Variants in PHC2 observed in about 807,000 individuals in gnomAD.
PHC2 encodes polyhomeotic homolog 2.
Under a neutral mutation model 87.4 loss-of-function variants are expected in PHC2, and 29 were observed. The observed-to-expected ratio is 0.33, with a 90% CI of 0.25 to 0.45. PHC2 has a LOEUF of 0.45. Ranked by LOEUF, PHC2 falls within the 20% of genes least tolerant of loss-of-function variation. PHC2 has a pLI of 1.00. For missense variants in PHC2, 857 were observed against 1,136.7 expected (o/e 0.75, Z 3.54); for synonymous variants, 438 against 461.7 (o/e 0.95, Z 0.66).
At chr1:33,425,316 T>C (rs986747076) in intron 1 of PHC2, among the ~76,000 whole-genome samples, 28 of 152,200 alleles carry the variant, frequency 1.8e-4, no homozygotes, top group African/African-American at 5.8e-4. Context: ...TCAACAACGA[T>C]ATATGAGCCT....
chr1:33,412,102 G>C (rs975041865), intron 1 of PHC2, among the ~76,000 whole-genome samples: 1 of 152,040 alleles, frequency 6.6e-6, no homozygotes, highest in South Asian at 2.1e-4. Flanking sequence ...GTGCAATAAG[G>C]CAGGTAAAAA....
At chr1:33,338,182 C>CT (rs1336565318) in intron 9 of PHC2, among the ~76,000 whole-genome samples, 39 of 152,242 alleles carry the variant, frequency 2.6e-4, no homozygotes, top group Non-Finnish European at 8.8e-5. Flanking sequence ...AGGTCAGAGT[C>CT]TGTCTTCATG....
intron 7 of PHC2, among the ~76,000 whole-genome samples, chr1:33,360,639 G>A (rs1436414661): frequency 6.6e-6 from 1 of 152,244 alleles, no homozygotes; most frequent in Non-Finnish European, 1.5e-5. Flanking sequence ...TCAGTAAATG[G>A]TAGCTATTCT....
rs913778570 is a variant in PHC2, at chr1:33,395,320, G to GA, written c.-54-19728dup. ...GGGGTGGGGAATGGCTGGGAAGGGGGAAGAGGGAATTTCTGGGGTGATGTT... is the reference window on the plus strand; with the variant it reads ...GGGGTGGGGAATGGCTGGGAAGGGGGAAAGAGGGAATTTCTGGGGTGATGTT... On this transcript the variant is annotated intron_variant, in intron 1 of 14. Transcript: ENST00000683057. Among the ~76,000 whole-genome samples, 13 of 152,110 alleles carry GA rather than the reference G, an allele frequency of 8.5e-5. 1 individual carries two copies. Among genetic ancestry groups the GA allele is most frequent in the African/African-American group, 2.9e-4 (12 of 41,402 alleles).
At chr1:33,352,202 C>T (rs1363682061) in intron 9 of PHC2, among the ~76,000 whole-genome samples, 1 of 152,152 alleles carries the variant, frequency 6.6e-6, no homozygotes, top group Non-Finnish European at 1.5e-5. Flanking sequence ...TGTTGATTAC[C>T]ACTGTTGCGG....
Position 33,334,350 on chromosome 1 carries a change from C to G in PHC2, c.1559-58G>C. On this transcript the variant is annotated intron_variant, in intron 9 of 14. Coordinates refer to ENST00000683057, the MANE Select transcript of PHC2 (RefSeq NM_001385109.1). The surrounding 1 kb of genome is among the most constrained non-coding windows in gnomAD (Gnocchi z 5.5). ...GGAGATCAGAACCAGAGTCCACGCC[C>G]AGGGAGGGACAGCAAGGACTCAAAC... The G allele has an allele frequency of 6.7e-7, 1 of 1,495,708 alleles. No homozygotes were observed. The highest frequency in any genetic ancestry group is 9.2e-7 in the Non-Finnish European group (1 of 1,083,984). The allele number at this position is 1,495,708 out of a possible 1,614,324, so 92.7% of individuals were successfully genotyped here.
At chr1:33,386,553 C>T (rs1253650212) in intron 1 of PHC2, among the ~76,000 whole-genome samples, 1 of 151,996 alleles carries the variant, frequency 6.6e-6, no homozygotes, top group Non-Finnish European at 1.5e-5. Context: ...TCTTTTCAAG[C>T]TGGGTGTGGT....
At chr1:33,374,525 C>CT (rs1570496725) in intron 2 of PHC2, among the ~76,000 whole-genome samples, 1 of 152,158 alleles carries the variant, frequency 6.6e-6, no homozygotes, top group African/African-American at 2.4e-5. Flanking sequence ...TTCAGGCCCT[C>CT]TTACTGTCTG....
intron 9 of PHC2, chr1:33,345,761 G>A: frequency 1.0e-6 from 1 of 985,034 alleles, no homozygotes; most frequent in Non-Finnish European, 1.2e-6. Context: ...ATATGCAAAT[G>A]GTTGATTATT....
chr1:33,346,868 C>G (rs1646854023), intron 9 of PHC2: 1 of 985,278 alleles, frequency 1.0e-6, no homozygotes, highest in Non-Finnish European at 1.2e-6. Context: ...TACGAGCACA[C>G]CAGTAGGGGT....
At chr1:33,342,602 T>G (rs1254019371) in intron 9 of PHC2, among the ~76,000 whole-genome samples, 1 of 149,936 alleles carries the variant, frequency 6.7e-6, no homozygotes, top group Non-Finnish European at 1.5e-5. Flanking sequence ...GCCCACAGGC[T>G]GAGGACTGCA....
chr1:33,382,900 C>T lies in PHC2; in HGVS notation c.-54-7307G>A, dbSNP rs1328163706. On this transcript the variant is annotated intron_variant, in intron 1 of 14. Coordinates refer to ENST00000683057, the MANE Select transcript of PHC2 (RefSeq NM_001385109.1). This position sits in a 1 kb window ranked among gnomAD's most constrained non-coding sequence, Gnocchi z 4.3. ...GAGGGGAAGGATACTGAAAACCTCTCTCCAAATCTAGCCTAAAGCCCTGGG... is the reference window on the plus strand; with the variant it reads ...GAGGGGAAGGATACTGAAAACCTCTTTCCAAATCTAGCCTAAAGCCCTGGG... 6.6e-6 allele frequency among the ~76,000 whole-genome samples: 1 copy of T among 152,198 alleles called. No homozygotes were observed. Among genetic ancestry groups the T allele is most frequent in the East Asian group, 1.9e-4 (1 of 5,196 alleles).
chr1:33,359,570 T>C (rs902772046), intron 7 of PHC2, among the ~76,000 whole-genome samples: 1 of 152,190 alleles, frequency 6.6e-6, no homozygotes, highest in African/African-American at 2.4e-5. Flanking sequence ...CCAAGTACTA[T>C]GGTTGGTACT....
Position 33,370,460 on chromosome 1 carries a change from C to G in PHC2, c.537G>C (p.Leu179=), listed in dbSNP as rs1439761453. 3 of 1,614,110 alleles carry G rather than the reference C, an allele frequency of 1.9e-6. No homozygotes were observed. Among genetic ancestry groups the G allele is most frequent in the East Asian group, 2.2e-5 (1 of 44,872 alleles). The stretch of plus-strand genomic sequence containing the variant: ...GATACATCTGTGCTTGGCTTGCAGT[C>G]AGGGCTGGGGAAGACGTGTTGCCCA... The part of the protein sequence containing the change: ...VLLGNTSSPA[L]TASQAQMYLR... Residue 179 remains leucine (L), a synonymous_variant, in exon 5 of 15, where the codon CTG becomes CTC. Coordinates refer to ENST00000683057, the MANE Select transcript of PHC2 (RefSeq NM_001385109.1).
At chr1:33,426,370 A>C (rs1476822645) in intron 1 of PHC2, among the ~76,000 whole-genome samples, 2 of 152,120 alleles carry the variant, frequency 1.3e-5, no homozygotes, top group Non-Finnish European at 2.9e-5. Flanking sequence ...GTGGTTAAAA[A>C]GGCACCAGAT....
chr1:33,338,876 G>T (rs977570562), intron 9 of PHC2, among the ~76,000 whole-genome samples: 4 of 152,154 alleles, frequency 2.6e-5, no homozygotes, highest in African/African-American at 7.2e-5. Flanking sequence ...AGGCTTCGGT[G>T]GGGGAAGGGG....
rs1553185656 is a variant in PHC2 at position 33,356,267 on chromosome 1, A to ATATATATATC, written c.977-1015_977-1014insGATATATATA. On this transcript the variant is annotated intron_variant, in intron 7 of 14. Transcript: ENST00000683057. ...AAAATTCTTATATATATATATATATATATATATATGTATATATATATATAT... is the reference window on the plus strand; with the variant it reads ...AAAATTCTTATATATATATATATATATATATATATCTATATATATGTATATATATATATAT... Among the ~76,000 whole-genome samples, 110 of 92,794 alleles carry ATATATATATC rather than the reference A, an allele frequency of 1.2e-3. 6 individuals are homozygous for ATATATATATC. In the East Asian group the frequency reaches 0.027, roughly 23 times the overall value. The allele number at this position is 92,794 out of a possible 152,430, so 60.9% of individuals were successfully genotyped here.
At chr1:33,363,775 A>C (rs1001833891) in intron 7 of PHC2, 138 of 985,166 alleles carry the variant, frequency 1.4e-4, no homozygotes, top group Non-Finnish European at 1.6e-4. Flanking sequence ...GAGTTTATCC[A>C]CTAGAATGAG....
At chr1:33,342,661 G>A (rs1396002129) in intron 9 of PHC2, among the ~76,000 whole-genome samples, 4 of 152,176 alleles carry the variant, frequency 2.6e-5, no homozygotes, top group South Asian at 2.1e-4. Flanking sequence ...GGACCAGAGT[G>A]ACTTCCACCA....
Sources: gnomAD v4.1 joint callset for allele counts (sites outside exome capture counted in the v4.1 genomes callset) on GRCh38, gnomAD v4.1.1 for gene constraint, Gnocchi (gnomAD v3.1) non-coding constraint, MANE v1.5 for transcripts, NCBI Gene and HGNC (gene_info 2026-07-23, HGNC 2026-07-21) for gene names.